LEKR1: variants seen among roughly 807,000 people sequenced by gnomAD.
The protein encoded by LEKR1 is leucine, glutamate and lysine rich 1.
In LEKR1, 59 loss-of-function variants were observed where a neutral mutation model predicts 72.4. The ratio of observed to expected loss-of-function variants is 0.82; its 90% CI spans 0.66 to 1.01. The LOEUF is 1.01. Ranked by LOEUF, LEKR1 falls within the 50% of genes least tolerant of loss-of-function variation. LEKR1 has a pLI of 0.00. For missense variants in LEKR1, 728 were observed against 759.2 expected, an observed-to-expected ratio of 0.96 and a Z score of 0.48; for synonymous variants, 257 against 263.2, an observed-to-expected ratio of 0.98 and a Z score of 0.23.
chr3:157,011,630 A>G, intron 10 of LEKR1, 124 bp downstream of exon 10: 1 of 682,426 alleles, frequency 1.5e-6, no homozygotes, highest in Non-Finnish European at 2.5e-6. Flanking sequence ...TTCCTTCTGG[A>G]ATTTCCTAGA....
At chr3:156,994,378 T>C (rs987127739) in intron 9 of LEKR1, among the ~76,000 whole-genome samples, 2 of 152,170 alleles carry the variant, frequency 1.3e-5, no homozygotes, top group Non-Finnish European at 2.9e-5. Flanking sequence ...GTGTAGTTCA[T>C]AGGGAAACAA....
At chr3:157,039,548 G>A (rs985242713) in intron 12 of LEKR1, among the ~76,000 whole-genome samples, 2 of 152,198 alleles carry the variant, frequency 1.3e-5, no homozygotes, top group African/African-American at 4.8e-5. Flanking sequence ...GAGCCTCGGG[G>A]GTTGAGGCTA....
intron 3 of LEKR1, among the ~76,000 whole-genome samples, chr3:156,877,313 G>T (rs1718721700): frequency 6.6e-6 from 1 of 152,038 alleles, no homozygotes; most frequent in Non-Finnish European, 1.5e-5. Context: ...CCTGGTTTTG[G>T]AATTACGGAG....
chr3:156,846,991 T>A (rs1714688323), intron 2 of LEKR1, among the ~76,000 whole-genome samples: 1 of 152,158 alleles, frequency 6.6e-6, no homozygotes, highest in South Asian at 2.1e-4. Flanking sequence ...TTTTAAAAAA[T>A]TTTTTGTAGA....
chr3:156,930,602 A>G (rs751419838), intron 5 of LEKR1, among the ~76,000 whole-genome samples: 1 of 152,190 alleles, frequency 6.6e-6, no homozygotes, highest in African/African-American at 2.4e-5. Context: ...TAAAAAGCTA[A>G]TACATAATTT....
At chr3:156,836,485 T>C (rs1560013086) in intron 2 of LEKR1, among the ~76,000 whole-genome samples, 1 of 152,174 alleles carries the variant, frequency 6.6e-6, no homozygotes, top group Non-Finnish European at 1.5e-5. Context: ...ATGTATAGTG[T>C]AAATATCAAC....
intron 3 of LEKR1, among the ~76,000 whole-genome samples, chr3:156,891,157 G>C (rs6787457): frequency 0.87 from 131,876 of 151,878 alleles, 57,558 homozygotes; most frequent in African/African-American, 0.96. Context: ...CAGGCGTGAG[G>C]CACTGTGCAG....
rs762657402 is a variant in LEKR1, at chr3:156,993,133, A to C, written c.965A>C (p.Lys322Thr). ...DSLMTCQQIYKALQEELTVKE... is the reference protein window; with the variant it reads ...DSLMTCQQIYTALQEELTVKE... ...TTAATGACTTGTCAACAGATATATAAAGCATTACAGGAAGAGCTGACTGTG... is the reference window on the plus strand; with the variant it reads ...TTAATGACTTGTCAACAGATATATACAGCATTACAGGAAGAGCTGACTGTG... Residue 322 changes from lysine (K) to threonine (T), a missense_variant, in exon 9 of 13, where the codon AAA becomes ACA. By Grantham distance (78) the Lys-to-Thr change is moderately conservative (BLOSUM62 -1). Coordinates refer to ENST00000356539, the MANE Select transcript of LEKR1 (RefSeq NM_001004316.3). The C allele has an allele frequency of 1.2e-6, 2 of 1,612,476 alleles. No homozygotes were observed. Among genetic ancestry groups the C allele is most frequent in the Non-Finnish European group, 1.7e-6 (2 of 1,179,114 alleles).
chr3:156,949,834 G>A (rs143361751), intron 6 of LEKR1, among the ~76,000 whole-genome samples: 209 of 151,250 alleles, frequency 1.4e-3, no homozygotes, highest in Admixed American at 2.1e-3. Flanking sequence ...ATAGAAATAG[G>A]CCTTTATTTC....
At chr3:156,835,384 G>T (rs188621038) in intron 2 of LEKR1, among the ~76,000 whole-genome samples, 10 of 152,202 alleles carry the variant, frequency 6.6e-5, no homozygotes, top group Non-Finnish European at 1.5e-4. Context: ...CCAAGAAAGC[G>T]TGCAGCTTCC....
intron 7 of LEKR1, chr3:156,988,819 A>G (rs547587369): frequency 1.3e-5 from 2 of 154,600 alleles, no homozygotes; most frequent in African/African-American, 4.8e-5. Context: ...AATATACTTT[A>G]TGCACTGTTT....
intron 6 of LEKR1, among the ~76,000 whole-genome samples, chr3:156,956,597 A>G (rs916981976): frequency 2.6e-5 from 4 of 152,076 alleles, no homozygotes; most frequent in Non-Finnish European, 5.9e-5. Context: ...CTCAAGGCAA[A>G]CTAGCACACA....
chr3:156,963,985 T>C (rs16826948), intron 6 of LEKR1, among the ~76,000 whole-genome samples: 23,829 of 152,126 alleles, frequency 0.16, 2,139 homozygotes, highest in South Asian at 0.25. Flanking sequence ...AGAAGAGGTC[T>C]AGAGGAAAGT....
At chr3:156,851,726 GA>G (rs1715389519) in intron 2 of LEKR1, among the ~76,000 whole-genome samples, 1 of 151,912 alleles carries the variant, frequency 6.6e-6, no homozygotes, top group Non-Finnish European at 1.5e-5. Flanking sequence ...TTGGTAGGCA[GA>G]TATGGTGGCA....
At chr3:156,844,646 TC>T (rs1714351330) in intron 2 of LEKR1, among the ~76,000 whole-genome samples, 1 of 146,442 alleles carries the variant, frequency 6.8e-6, no homozygotes, top group Non-Finnish European at 1.5e-5. Flanking sequence ...CTTTTTTCAA[TC>T]TGTAATTTTC....
chr3:156,862,244 A>G (rs16826864), intron 3 of LEKR1, among the ~76,000 whole-genome samples: 23,814 of 151,934 alleles, frequency 0.16, 2,126 homozygotes, highest in South Asian at 0.25. Context: ...AAGCTTTTTA[A>G]TCAGCAGTTT....
chr3:157,022,439 A>G (rs1392974148), intron 10 of LEKR1, among the ~76,000 whole-genome samples: 1 of 152,142 alleles, frequency 6.6e-6, no homozygotes, highest in African/African-American at 2.4e-5. Flanking sequence ...GGAAGTGCTG[A>G]TGAAAGTTGA....
At position 157,011,490 on chromosome 3, in the gene LEKR1, A is replaced by T; in HGVS notation, c.1187A>T (p.Asp396Val). The T allele has an allele frequency of 1.2e-6, 2 of 1,611,912 alleles. No individual in the cohort carries two copies. The highest frequency in any genetic ancestry group is 1.7e-6 in the Non-Finnish European group (2 of 1,178,170). The change falls in exon 10 of 13, where the codon GAT becomes GTT. Residue 396 changes from aspartate to valine, a missense_variant. By Grantham distance (152) the Asp-to-Val change is radical. Coordinates refer to ENST00000356539, the MANE Select transcript of LEKR1 (RefSeq NM_001004316.3). ...CTTAGACAGAAGCTGCTGAGTGATG[A>T]TAACTGGAAGGAGAAGGTAATGGTA... The part of the protein sequence containing the change: ...ETLRQKLLSD[D>V]NWKEKIEAEL...
At chr3:156,938,401 A>T (rs1725911126) in intron 5 of LEKR1, among the ~76,000 whole-genome samples, 1 of 152,186 alleles carries the variant, frequency 6.6e-6, no homozygotes, top group African/African-American at 2.4e-5. Flanking sequence ...GTTTTTTGAG[A>T]TGGAGTCTTG....
Sources: gnomAD v4.1 joint callset for allele counts (sites outside exome capture counted in the v4.1 genomes callset) on GRCh38, gnomAD v4.1.1 for gene constraint, MANE v1.5 for transcripts, NCBI Gene and HGNC (gene_info 2026-07-23, HGNC 2026-07-21) for gene names.